Variants in ADGRB3 observed in about 807,000 individuals in gnomAD.
ADGRB3 encodes brain-specific angiogenesis inhibitor 3.
Under a neutral mutation model 193.4 loss-of-function variants are expected in ADGRB3, and 37 were observed. The ratio of observed to expected loss-of-function variants is 0.19; its 90% confidence interval spans 0.15 to 0.25. The LOEUF (loss-of-function observed/expected upper bound fraction) is 0.25, where lower values mean the gene tolerates loss of function less well. Among genes scored for constraint, ADGRB3 ranks in the 10% least tolerant of loss-of-function variants. ADGRB3 has a pLI of 1.00. For synonymous variants in ADGRB3, 690 were observed against 644.2 expected, an observed-to-expected ratio of 1.07 and a Z score of -1.08; for missense variants, 1,637 against 1,852.9, an observed-to-expected ratio of 0.88 and a Z score of 2.14.
chr6:68,825,675 G>A (rs1482895013), intron 3 of ADGRB3, among the ~76,000 whole-genome samples: 1 of 152,110 alleles, frequency 6.6e-6, no homozygotes, highest in East Asian at 1.9e-4. Context: ...CCCCCATGCT[G>A]TTCTCATGAT....
intron 29 of ADGRB3, among the ~76,000 whole-genome samples, chr6:69,363,536 A>G (rs1001946335): frequency 5.3e-5 from 8 of 152,042 alleles, no homozygotes; most frequent in Non-Finnish European, 8.8e-5. Context: ...GTTCAAGGTT[A>G]TAGAGCAAGT....
At chr6:69,285,713 G>T (rs1177447285) in intron 20 of ADGRB3, among the ~76,000 whole-genome samples, 1 of 151,762 alleles carries the variant, frequency 6.6e-6, no homozygotes, top group Non-Finnish European at 1.5e-5. Context: ...TATCATTGTG[G>T]CAGTCTCCTG....
chr6:68,668,914 A>C (rs1013979280), intron 3 of ADGRB3, among the ~76,000 whole-genome samples: 1 of 151,990 alleles, frequency 6.6e-6, no homozygotes, highest in Non-Finnish European at 1.5e-5. Flanking sequence ...ACAATAAGGA[A>C]AACTTTATAA....
intron 20 of ADGRB3, among the ~76,000 whole-genome samples, chr6:69,247,148 A>T (rs542257850): frequency 6.6e-6 from 1 of 152,240 alleles, no homozygotes; most frequent in Admixed American, 6.5e-5. Context: ...GAAATATCTT[A>T]AATTTAAAGA....
At chr6:68,858,582 G>A (rs1208079916) in intron 3 of ADGRB3, among the ~76,000 whole-genome samples, 4 of 110,910 alleles carry the variant, frequency 3.6e-5, no homozygotes, top group Admixed American at 3.1e-4. Context: ...GACAGAGTGA[G>A]ACCCTGACTC....
chr6:68,826,000 T>C (rs866328185), intron 3 of ADGRB3, among the ~76,000 whole-genome samples: 9 of 152,238 alleles, frequency 5.9e-5, no homozygotes, highest in South Asian at 2.1e-4. Flanking sequence ...ATTTTTTTTT[T>C]TTGTACCTGA....
At chr6:69,287,459 A>C (rs901287366) in intron 20 of ADGRB3, among the ~76,000 whole-genome samples, 5 of 152,198 alleles carry the variant, frequency 3.3e-5, no homozygotes, top group African/African-American at 7.2e-5. Flanking sequence ...AAGAAAAAAA[A>C]CTGAATCTAC....
At chr6:69,130,590 G>A (rs1773982829) in intron 17 of ADGRB3, among the ~76,000 whole-genome samples, 1 of 150,154 alleles carries the variant, frequency 6.7e-6, no homozygotes, top group Admixed American at 6.6e-5. Flanking sequence ...CCCCCGACTG[G>A]GCTCCTTTTT....
At chr6:69,194,201 C>T (rs181848854) in intron 17 of ADGRB3, among the ~76,000 whole-genome samples, 62 of 152,008 alleles carry the variant, frequency 4.1e-4, no homozygotes, top group Non-Finnish European at 7.2e-4. Context: ...TGAAGGAAAC[C>T]TTACCCAAAA....
At chr6:69,324,242 G>A (rs188248517) in intron 20 of ADGRB3, among the ~76,000 whole-genome samples, 4 of 152,186 alleles carry the variant, frequency 2.6e-5, no homozygotes, top group African/African-American at 9.6e-5. Context: ...AAAATTACTT[G>A]ATGAGGACAC....
chr6:69,368,689 C>G (rs906948220), intron 29 of ADGRB3, among the ~76,000 whole-genome samples: 3 of 151,444 alleles, frequency 2.0e-5, no homozygotes, highest in African/African-American at 7.3e-5. Flanking sequence ...TAAGCTGCAG[C>G]AAGAAAGAGG....
chr6:69,377,908 C>CAA (rs2127343791), intron 30 of ADGRB3, among the ~76,000 whole-genome samples: 1 of 152,168 alleles, frequency 6.6e-6, no homozygotes, highest in Non-Finnish European at 1.5e-5. Context: ...AATGAGGAGG[C>CAA]AAAGCTCCTG....
At chr6:69,175,060 T>A (rs1227494893) in intron 17 of ADGRB3, among the ~76,000 whole-genome samples, 1 of 152,220 alleles carries the variant, frequency 6.6e-6, no homozygotes, top group East Asian at 1.9e-4. Flanking sequence ...CTGTAGGTTG[T>A]CTGTTTACAC....
At chr6:69,107,870 G>A (rs924606976) in intron 17 of ADGRB3, among the ~76,000 whole-genome samples, 56 of 152,016 alleles carry the variant, frequency 3.7e-4, no homozygotes, top group African/African-American at 1.2e-3. Context: ...GATGGCAACA[G>A]TAGACACTTG....
At chr6:69,165,405 C>A (rs556232370) in intron 17 of ADGRB3, among the ~76,000 whole-genome samples, 12 of 151,632 alleles carry the variant, frequency 7.9e-5, no homozygotes, top group Non-Finnish European at 1.3e-4. Context: ...GGCAGCCATC[C>A]CCCCCAACTT....
intron 3 of ADGRB3, among the ~76,000 whole-genome samples, chr6:68,658,354 G>A (rs956589767): frequency 1.3e-5 from 2 of 151,204 alleles, no homozygotes; most frequent in African/African-American, 2.4e-5. Context: ...ACTATAGGAC[G>A]TTTCAAATAG....
rs886131040 is a variant in ADGRB3, at chr6:69,360,972, A to G, written c.3699A>G (p.Glu1233=). The change falls in exon 29 of 32, where the codon GAA becomes GAG. Residue 1233 remains glutamate, a synonymous_variant. Transcript: ENST00000370598. ...DDEEEKGTNP[E]GLSYSTLPGN... is the part of the protein sequence containing the mutation. ...AAGAAGAAAAGGGAACAAACCCTGAAGGGCTAAGCTATTCAACATTGCCTG... is the reference window on the plus strand; with the variant it reads ...AAGAAGAAAAGGGAACAAACCCTGAGGGGCTAAGCTATTCAACATTGCCTG... 2 of 1,612,772 alleles carry G rather than the reference A, an allele frequency of 1.2e-6. No homozygotes were observed. The highest frequency in any genetic ancestry group is 1.1e-5 in the South Asian group (1 of 91,046).
chr6:68,932,747 A>C (rs1346345240), intron 4 of ADGRB3, among the ~76,000 whole-genome samples: 2 of 151,756 alleles, frequency 1.3e-5, no homozygotes, highest in Non-Finnish European at 2.9e-5. Flanking sequence ...TATAAATAAT[A>C]TAAAATTTGT....
At chr6:69,047,735 T>C (rs2150301612) in intron 13 of ADGRB3, among the ~76,000 whole-genome samples, 1 of 152,268 alleles carries the variant, frequency 6.6e-6, no homozygotes, top group Admixed American at 6.5e-5. Flanking sequence ...GAAAAGTTTG[T>C]TCCAAAGACA....
Sources: gnomAD v4.1 joint callset for allele counts (sites outside exome capture counted in the v4.1 genomes callset) on GRCh38, gnomAD v4.1.1 for gene constraint, MANE v1.5 for transcripts, NCBI Gene and HGNC (gene_info 2026-07-23, HGNC 2026-07-21) for gene names.